BLNK: variants seen among roughly 807,000 people sequenced by gnomAD.
The protein encoded by BLNK is B-cell linker protein.
In BLNK, 29 loss-of-function variants were observed where a neutral mutation model predicts 73.5. The ratio of observed to expected loss-of-function variants is 0.39; its 90% CI spans 0.29 to 0.54. BLNK has a LOEUF of 0.54. BLNK is among the 20% of genes least tolerant of loss of function. The pLI is 0.61. For missense variants in BLNK, 460 were observed against 562.8 expected, an observed-to-expected ratio of 0.82 and a Z score of 1.85; for synonymous variants, 176 against 200.8, an observed-to-expected ratio of 0.88 and a Z score of 1.04.
intron 6 of BLNK, among the ~76,000 whole-genome samples, chr10:96,223,573 G>A (rs960800613): frequency 6.6e-6 from 1 of 152,112 alleles, no homozygotes; most frequent in Admixed American, 6.5e-5. Context: ...GAAACCCCAG[G>A]GAAGAAGGAG....
chr10:96,211,932 GA>G (rs1311490091), intron 8 of BLNK, among the ~76,000 whole-genome samples: 1 of 152,132 alleles, frequency 6.6e-6, no homozygotes, highest in African/African-American at 2.4e-5. Context: ...GAAAAATAAG[GA>G]AGTAGAAAGA....
intron 15 of BLNK, among the ~76,000 whole-genome samples, chr10:96,198,719 C>T (rs1306134957): frequency 1.3e-5 from 2 of 152,188 alleles, no homozygotes; most frequent in African/African-American, 4.8e-5. Context: ...TATTCCCCCA[C>T]AGCAGTCTCA....
At chr10:96,256,192 G>A (rs1843500307) in intron 1 of BLNK, among the ~76,000 whole-genome samples, 1 of 151,980 alleles carries the variant, frequency 6.6e-6, no homozygotes, top group East Asian at 1.9e-4. Context: ...CGTATACTTG[G>A]GTATCCTTAG....
intron 1 of BLNK, among the ~76,000 whole-genome samples, chr10:96,254,040 A>T (rs992702454): frequency 6.6e-5 from 10 of 151,634 alleles, no homozygotes; most frequent in Non-Finnish European, 1.0e-4. Flanking sequence ...AAAAAAAATT[A>T]AAAAAATAAA....
At chr10:96,264,121 A>G (rs1450320328) in intron 1 of BLNK, among the ~76,000 whole-genome samples, 2 of 152,210 alleles carry the variant, frequency 1.3e-5, no homozygotes, top group African/African-American at 4.8e-5. Flanking sequence ...CGTGGAATGA[A>G]AAAACTAAGG....
chr10:96,210,015 T>C lies in BLNK; in HGVS notation c.677-108A>G, dbSNP rs587717942. On this transcript the variant is annotated intron_variant, in intron 8 of 16. Coordinates refer to ENST00000224337, the MANE Select transcript of BLNK (RefSeq NM_013314.4). ...CTCAGAAATATTTGCACATACTGTG[T>C]TGCTTTCAGTTAAGCACATATAGGT... 1.6e-4 allele frequency: 188 copies of C among 1,169,878 alleles called. 1 individual carries two copies. The highest frequency in any genetic ancestry group is 4.4e-4 in the Admixed American group (26 of 58,732). The allele number at this position is 1,169,878 out of a possible 1,614,324, so 72.5% of individuals were successfully genotyped here.
intron 1 of BLNK, among the ~76,000 whole-genome samples, chr10:96,259,965 T>G (rs1843683935): frequency 6.6e-6 from 1 of 152,090 alleles, no homozygotes; most frequent in Admixed American, 6.5e-5. Context: ...TCTTAGAAGT[T>G]TTGTCACTTG....
rs183307052 is a variant in BLNK at position 96,203,207 on chromosome 10, C to T, written c.934+850G>A. 2.1e-3 allele frequency among the ~76,000 whole-genome samples: 316 copies of T among 152,158 alleles called. 1 individual carries two copies. The highest frequency in any genetic ancestry group is 7.1e-3 in the African/African-American group (294 of 41,516). On this transcript the variant is annotated intron_variant, in intron 13 of 16. Transcript: ENST00000224337. ...TGAATGAATGACTTGGTTTGAAAAA[C>T]GGTAAAAGGTATAATAAACCTTTTT...
intron 4 of BLNK, among the ~76,000 whole-genome samples, chr10:96,229,764 C>G (rs587634023): frequency 1.3e-5 from 2 of 151,982 alleles, no homozygotes; most frequent in South Asian, 4.2e-4. Context: ...CTGCTGGGCC[C>G]CAGGAGGAGC....
At chr10:96,260,963 C>A (rs1843731924) in intron 1 of BLNK, among the ~76,000 whole-genome samples, 1 of 152,034 alleles carries the variant, frequency 6.6e-6, no homozygotes, top group African/African-American at 2.4e-5. Flanking sequence ...CCCACCTCAG[C>A]CTCCTGAGTA....
intron 1 of BLNK, among the ~76,000 whole-genome samples, chr10:96,264,425 C>T (rs1440254279): frequency 6.6e-6 from 1 of 152,198 alleles, no homozygotes; most frequent in Non-Finnish European, 1.5e-5. Context: ...CAGGATTACC[C>T]AAGAGCCTTG....
chr10:96,245,421 G>A (rs1437153341), intron 2 of BLNK, among the ~76,000 whole-genome samples: 1 of 152,032 alleles, frequency 6.6e-6, no homozygotes, highest in East Asian at 1.9e-4. Flanking sequence ...GTATATTCAA[G>A]GTCTGCAATG....
At chr10:96,270,548 G>A (rs1305545337) in intron 1 of BLNK, among the ~76,000 whole-genome samples, 5 of 151,546 alleles carry the variant, frequency 3.3e-5, no homozygotes, top group Non-Finnish European at 7.4e-5. Flanking sequence ...ACCACCATGG[G>A]ATGTGTATAC....
At chr10:96,232,189 C>T (rs1271956608) in intron 3 of BLNK, among the ~76,000 whole-genome samples, 1 of 152,212 alleles carries the variant, frequency 6.6e-6, no homozygotes, top group Admixed American at 6.5e-5. Context: ...GACAGCACCA[C>T]AGAGGGTCCC....
chr10:96,222,586 T>C (rs2084223123), intron 6 of BLNK, among the ~76,000 whole-genome samples: 1 of 152,180 alleles, frequency 6.6e-6, no homozygotes, highest in African/African-American at 2.4e-5. Context: ...CAGAGTTGGA[T>C]GCTGGGCCAT....
At chr10:96,261,182 G>A (rs1843741484) in intron 1 of BLNK, among the ~76,000 whole-genome samples, 2 of 151,882 alleles carry the variant, frequency 1.3e-5, no homozygotes, top group Non-Finnish European at 2.9e-5. Context: ...TATAATCGTG[G>A]GTCCCCAAAA....
intron 3 of BLNK, 107 bp downstream of exon 3, chr10:96,242,627 CT>C (rs1471469545): frequency 7.3e-6 from 8 of 1,096,496 alleles, no homozygotes; most frequent in South Asian, 2.6e-5. Context: ...GAAAAGATAC[CT>C]TTTGTTTTCA....
chr10:96,238,399 T>G (rs998535348), intron 3 of BLNK, among the ~76,000 whole-genome samples: 20 of 152,152 alleles, frequency 1.3e-4, no homozygotes, highest in Admixed American at 1.3e-3. Context: ...ATCCAATGTG[T>G]GGGGGGAAAA....
rs994132872 is a variant in BLNK, at chr10:96,200,382, A to C, written c.1012-224T>G. On this transcript the variant is annotated intron_variant, in intron 14 of 16. Transcript: ENST00000224337. This position sits in a 1 kb window ranked among gnomAD's most constrained non-coding sequence, Gnocchi z 4.3. Reference sequence around the variant, plus strand: ...TTGGCCTTAGCTAGGTTCCTGAATTATTTCTTTCTTTCTCCTAAATAAGTA... The same window carrying C: ...TTGGCCTTAGCTAGGTTCCTGAATTCTTTCTTTCTTTCTCCTAAATAAGTA... Among the ~76,000 whole-genome samples, 9 of 151,790 alleles carry C rather than the reference A, an allele frequency of 5.9e-5. No individual in the cohort carries two copies. Among genetic ancestry groups the C allele is most frequent in the Non-Finnish European group, 7.4e-5 (5 of 67,910 alleles).
Sources: allele counts gnomAD v4.1 joint callset (sites outside exome capture counted in the v4.1 genomes callset), GRCh38; gene constraint gnomAD v4.1.1; non-coding constraint Gnocchi (gnomAD v3.1); transcripts MANE v1.5; gene names NCBI Gene and HGNC (gene_info 2026-07-23, HGNC 2026-07-21).